Variants in MYRIP observed in about 807,000 individuals in gnomAD.
MYRIP encodes the protein rab effector MyRIP.
Under a neutral mutation model 98.0 loss-of-function variants are expected in MYRIP, and 49 were observed. The ratio of observed to expected loss-of-function variants is 0.50; its 90% CI spans 0.40 to 0.63. MYRIP has a LOEUF of 0.63. Ranked by LOEUF, MYRIP falls within the 30% of genes least tolerant of loss-of-function variation. The pLI is 0.00. For synonymous variants in MYRIP, 404 were observed against 409.5 expected, an observed-to-expected ratio of 0.99 and a Z score of 0.16; for missense variants, 1,004 against 1,058.2, an observed-to-expected ratio of 0.95 and a Z score of 0.71.
At chr3:40,240,659 G>C (rs575705204) in intron 12 of MYRIP, among the ~76,000 whole-genome samples, 1 of 152,228 alleles carries the variant, frequency 6.6e-6, no homozygotes, top group Admixed American at 6.5e-5. Flanking sequence ...CCTGCTATCT[G>C]GCATTAGTGC....
chr3:40,220,244 C>T (rs570911180), intron 11 of MYRIP, among the ~76,000 whole-genome samples: 2 of 151,990 alleles, frequency 1.3e-5, no homozygotes, highest in Non-Finnish European at 2.9e-5. Flanking sequence ...AGCCCTTTGT[C>T]AGACGAGTAG....
intron 2 of MYRIP, among the ~76,000 whole-genome samples, chr3:40,001,871 T>C (rs1455044024): frequency 1.3e-5 from 2 of 152,128 alleles, no homozygotes; most frequent in Non-Finnish European, 2.9e-5. Flanking sequence ...TATTTCAGGA[T>C]AGATTCAATA....
At chr3:39,974,510 C>A (rs981486477) in intron 2 of MYRIP, among the ~76,000 whole-genome samples, 4 of 152,104 alleles carry the variant, frequency 2.6e-5, no homozygotes, top group Non-Finnish European at 5.9e-5. Flanking sequence ...GAAACTATTC[C>A]AATCAATAGA....
chr3:40,045,635 C>G (rs556749482), intron 3 of MYRIP, among the ~76,000 whole-genome samples: 1 of 152,258 alleles, frequency 6.6e-6, no homozygotes. Context: ...GAGAACAAGA[C>G]AGTTGGATGT....
At chr3:40,150,278 A>T (rs1275969062) in intron 3 of MYRIP, among the ~76,000 whole-genome samples, 1 of 151,968 alleles carries the variant, frequency 6.6e-6, no homozygotes, top group Non-Finnish European at 1.5e-5. Flanking sequence ...TTCAGTAGAG[A>T]TGGGGTTTTG....
intron 2 of MYRIP, among the ~76,000 whole-genome samples, chr3:40,001,055 C>T (rs1245275960): frequency 1.3e-5 from 2 of 152,044 alleles, no homozygotes; most frequent in East Asian, 1.9e-4. Flanking sequence ...CACAGCTGAA[C>T]ATTTTTTGAT....
chr3:40,223,293 A>G (rs184006988), intron 11 of MYRIP, among the ~76,000 whole-genome samples: 364 of 152,356 alleles, frequency 2.4e-3, no homozygotes, highest in Non-Finnish European at 4.2e-3. Flanking sequence ...TAGAAAAAAT[A>G]AAAGAGGTGT....
chr3:39,835,028 A>G (rs1470634106), intron 1 of MYRIP, among the ~76,000 whole-genome samples: 1 of 152,218 alleles, frequency 6.6e-6, no homozygotes, highest in Non-Finnish European at 1.5e-5. Flanking sequence ...GGGTGAATTT[A>G]TTCTCTACTT....
chr3:39,833,136 G>T (rs1382170027), intron 1 of MYRIP, among the ~76,000 whole-genome samples: 1 of 152,172 alleles, frequency 6.6e-6, no homozygotes, highest in Non-Finnish European at 1.5e-5. Context: ...ATGCTTCTGT[G>T]TATAATAGGA....
At chr3:40,017,861 A>T (rs921920991) in intron 2 of MYRIP, among the ~76,000 whole-genome samples, 4 of 152,088 alleles carry the variant, frequency 2.6e-5, no homozygotes, top group Non-Finnish European at 5.9e-5. Context: ...TATATTTTTA[A>T]TGTGAAGGCT....
At chr3:40,093,290 T>G (rs1395067716) in intron 3 of MYRIP, among the ~76,000 whole-genome samples, 1 of 152,162 alleles carries the variant, frequency 6.6e-6, no homozygotes. Flanking sequence ...CACAACTTCA[T>G]GCAAACAGCG....
At chr3:39,818,810 C>T (rs1160370831) in intron 1 of MYRIP, among the ~76,000 whole-genome samples, 2 of 152,072 alleles carry the variant, frequency 1.3e-5, no homozygotes, top group African/African-American at 4.8e-5. Context: ...CCAAATTACT[C>T]CCCAAAGTGA....
Position 40,153,134 on chromosome 3 carries a change from A to G in MYRIP, c.469+1950A>G, listed in dbSNP as rs539658434. Among the ~76,000 whole-genome samples the G allele has an allele frequency of 3.6e-4, 55 of 152,188 alleles. No individual in the cohort carries two copies. The South Asian group carries it at 0.01, about 29-fold the overall frequency. ...ACCCTGTCCAAAAAAAAAGCATTTT[A>G]TGGATACCAAGACACTTCATAGAAA... On this transcript the variant is annotated intron_variant, in intron 4 of 16. Transcript: ENST00000302541.
At position 40,011,709 on chromosome 3, in the gene MYRIP, ATT is replaced by A. The variant is rs1236874611; in HGVS notation, c.111-32339_111-32338del. 3.3e-5 allele frequency among the ~76,000 whole-genome samples: 5 copies of A among 152,296 alleles called. No individual in the cohort carries two copies. In the South Asian group the frequency reaches 8.3e-4, roughly 25 times the overall value. Reference sequence around the variant, plus strand: ...TTTAATGAACCAATTTGACAGATAGATTTAGAATAGGAAAGTAAAGTTCCTGG... The same window carrying A: ...TTTAATGAACCAATTTGACAGATAGATAGAATAGGAAAGTAAAGTTCCTGG... On this transcript the variant is annotated intron_variant, in intron 2 of 16. Coordinates refer to ENST00000302541, the MANE Select transcript of MYRIP (RefSeq NM_015460.4).
chr3:39,977,133 C>T (rs1454787108), intron 2 of MYRIP, among the ~76,000 whole-genome samples: 3 of 150,620 alleles, frequency 2.0e-5, no homozygotes, highest in Non-Finnish European at 4.4e-5. Context: ...TAAAAAAAAA[C>T]GGTGATAATA....
At chr3:40,072,105 C>A (rs906991166) in intron 3 of MYRIP, among the ~76,000 whole-genome samples, 4 of 152,194 alleles carry the variant, frequency 2.6e-5, no homozygotes, top group African/African-American at 9.7e-5. Context: ...GGGCCGGATG[C>A]AGAAAGTAGG....
rs183249348 is a variant in MYRIP, at chr3:39,977,548, A to G, written c.111-66502A>G. ...CCGACTGCCTTTGGCATCCACCTCC[A>G]CAGGATGGATGTACTGTCTCTATTA... On this transcript the variant is annotated intron_variant, in intron 2 of 16. Coordinates refer to ENST00000302541, the MANE Select transcript of MYRIP (RefSeq NM_015460.4). Among the ~76,000 whole-genome samples the G allele has an allele frequency of 2.5e-3, 388 of 152,274 alleles. 10 individuals carry two copies. Among genetic ancestry groups the G allele is most frequent in the Non-Finnish European group, 2.6e-4 (18 of 68,020 alleles).
At chr3:39,855,807 C>T (rs1198401952) in intron 1 of MYRIP, among the ~76,000 whole-genome samples, 2 of 152,148 alleles carry the variant, frequency 1.3e-5, no homozygotes, top group Non-Finnish European at 2.9e-5. Flanking sequence ...CACTCCTGCA[C>T]TTGTGTCTGC....
chr3:39,822,272 G>A (rs985012994), intron 1 of MYRIP, among the ~76,000 whole-genome samples: 1 of 152,158 alleles, frequency 6.6e-6, no homozygotes, highest in African/African-American at 2.4e-5. Context: ...TAATTTGCAT[G>A]TCCATCATTT....
Sources: allele counts gnomAD v4.1 joint callset (sites outside exome capture counted in the v4.1 genomes callset), GRCh38; gene constraint gnomAD v4.1.1; transcripts MANE v1.5; gene names NCBI Gene and HGNC (gene_info 2026-07-23, HGNC 2026-07-21).